Variants in SPACA7 observed in about 807,000 individuals in gnomAD.
The protein encoded by SPACA7 is sperm acrosome-associated protein 7.
Under a neutral mutation model 26.3 loss-of-function variants are expected in SPACA7, and 19 were observed. The observed-to-expected ratio is 0.72, with a 90% CI of 0.50 to 1.06. The LOEUF (loss-of-function observed/expected upper bound fraction) is 1.06. Among genes scored for constraint, SPACA7 ranks in the 50% least tolerant of loss-of-function variants. SPACA7 has a pLI of 0.00. For synonymous variants in SPACA7, 84 were observed against 84.5 expected (o/e 0.99, Z 0.04); for missense variants, 211 against 229.9 (o/e 0.92, Z 0.53).
At chr13:112,415,970 C>G (rs1268236299) in intron 5 of SPACA7, among the ~76,000 whole-genome samples, 1 of 151,648 alleles carries the variant, frequency 6.6e-6, no homozygotes, top group Non-Finnish European at 1.5e-5. Flanking sequence ...CAGCATTGAG[C>G]TCCAATGCAA....
Position 112,399,248 on chromosome 13 carries a change from C to T in SPACA7, c.349+75C>T, listed in dbSNP as rs934104123. On this transcript the variant is annotated intron_variant, in intron 4 of 6. Transcript: ENST00000283550. ...GAGGTAGGAGGCAGGCAGACGCAGGCGGAAACATCTCCTTCCTGGAGGATA... is the reference window on the plus strand; with the variant it reads ...GAGGTAGGAGGCAGGCAGACGCAGGTGGAAACATCTCCTTCCTGGAGGATA... 50 of 808,744 alleles carry T rather than the reference C, an allele frequency of 6.2e-5. No individual in the cohort carries two copies. In the Admixed American group the frequency reaches 7.5e-4, roughly 12 times the overall value. 50.1% of individuals were successfully genotyped at this position (808,744 alleles called of 1,614,324 possible).
At chr13:112,381,501 A>C (rs1425084447) in intron 1 of SPACA7, among the ~76,000 whole-genome samples, 1 of 152,010 alleles carries the variant, frequency 6.6e-6, no homozygotes, top group African/African-American at 2.4e-5. Context: ...CCCCAAAAAA[A>C]AAAAAAAAAA....
chr13:112,407,760 C>A (rs757973879), intron 5 of SPACA7, among the ~76,000 whole-genome samples: 27 of 152,168 alleles, frequency 1.8e-4, no homozygotes, highest in South Asian at 4.1e-4. Flanking sequence ...CAGGACCAGA[C>A]GGATTCACAG....
chr13:112,380,629 T>A (rs941468419), intron 1 of SPACA7, among the ~76,000 whole-genome samples: 2 of 152,160 alleles, frequency 1.3e-5, no homozygotes, highest in African/African-American at 4.8e-5. Flanking sequence ...TCCATACTAA[T>A]TTACGCATTT....
At chr13:112,418,485 G>A (rs1478569628) in intron 5 of SPACA7, among the ~76,000 whole-genome samples, 3 of 152,228 alleles carry the variant, frequency 2.0e-5, no homozygotes, top group Non-Finnish European at 4.4e-5. Context: ...ATATGTCTGT[G>A]TAAGCCTGTA....
chr13:112,400,471 G>A (rs1357790388), intron 4 of SPACA7, among the ~76,000 whole-genome samples: 5 of 152,210 alleles, frequency 3.3e-5, no homozygotes, highest in South Asian at 2.1e-4. Flanking sequence ...TTATGTATTC[G>A]GTTGCTTATT....
At chr13:112,434,462 C>A in intron 6 of SPACA7, 23 bp from the exon 7 acceptor site, 1 of 1,596,758 alleles carries the variant, frequency 6.3e-7, no homozygotes, top group Non-Finnish European at 8.5e-7. Context: ...CTGCCAGTCT[C>A]AAAATCTCCT....
At chr13:112,383,184 AG>A (rs1884307329) in intron 1 of SPACA7, among the ~76,000 whole-genome samples, 1 of 139,786 alleles carries the variant, frequency 7.2e-6, no homozygotes, top group African/African-American at 2.9e-5. Context: ...AAAGAAAGAA[AG>A]AAAGAAAGAA....
chr13:112,404,308 C>T (rs1885837112), intron 5 of SPACA7, among the ~76,000 whole-genome samples: 1 of 152,066 alleles, frequency 6.6e-6, no homozygotes, highest in Non-Finnish European at 1.5e-5. Flanking sequence ...ATTGTAGATT[C>T]TGGATATTAG....
chr13:112,421,987 A>T (rs1876033075), intron 5 of SPACA7, among the ~76,000 whole-genome samples: 1 of 152,174 alleles, frequency 6.6e-6, no homozygotes, highest in Non-Finnish European at 1.5e-5. Context: ...GAGGGAGAGG[A>T]TGAGGAAAAA....
At chr13:112,397,926 A>C in intron 2 of SPACA7, 123 bp from the exon 3 acceptor site, 2 of 565,344 alleles carry the variant, frequency 3.5e-6, no homozygotes, top group Non-Finnish European at 6.2e-6. Flanking sequence ...GGGTTCCCGG[A>C]GTTCCTGTTT....
chr13:112,434,052 G>A (rs180733209), intron 6 of SPACA7, among the ~76,000 whole-genome samples: 8 of 152,200 alleles, frequency 5.3e-5, no homozygotes, highest in Admixed American at 1.3e-4. Context: ...TGTGGCCGTC[G>A]GCAACAGAAG....
Position 112,385,729 on chromosome 13 carries a change from A to G in SPACA7, c.95-7292A>G, listed in dbSNP as rs140248642. On this transcript the variant is annotated intron_variant, in intron 1 of 6. Coordinates refer to ENST00000283550, the MANE Select transcript of SPACA7 (RefSeq NM_145248.5). ...AATTTTTAAAACTGCTTTTATTTCT[A>G]AAAGATTACTGGTCACGTGAACAAA... 6.9e-3 allele frequency among the ~76,000 whole-genome samples: 1,058 copies of G among 152,330 alleles called. 8 individuals carry two copies. The highest frequency in any genetic ancestry group is 0.017 in the Middle Eastern group (5 of 294).
chr13:112,388,955 G>A (rs751905011), intron 1 of SPACA7, among the ~76,000 whole-genome samples: 1 of 152,188 alleles, frequency 6.6e-6, no homozygotes, highest in African/African-American at 2.4e-5. Flanking sequence ...TCTGGGTGGT[G>A]CCAGCTGATC....
At chr13:112,410,924 A>G (rs963124294) in intron 5 of SPACA7, among the ~76,000 whole-genome samples, 2 of 152,162 alleles carry the variant, frequency 1.3e-5, no homozygotes, top group African/African-American at 4.8e-5. Context: ...TACATGGATA[A>G]GCAAAATGTT....
intron 2 of SPACA7, among the ~76,000 whole-genome samples, chr13:112,395,761 C>T (rs987386885): frequency 1.3e-5 from 2 of 152,260 alleles, no homozygotes; most frequent in East Asian, 1.9e-4. Context: ...TGAGCCACTG[C>T]GCCCAGCCTG....
intron 5 of SPACA7, among the ~76,000 whole-genome samples, chr13:112,416,326 A>C (rs1227208288): frequency 1.3e-5 from 2 of 151,524 alleles, no homozygotes; most frequent in Non-Finnish European, 1.5e-5. Context: ...TGTCACTGTC[A>C]CCTGGGCTGG....
chr13:112,431,837 G>A (rs1428909805), intron 5 of SPACA7, among the ~76,000 whole-genome samples: 1 of 152,186 alleles, frequency 6.6e-6, no homozygotes, highest in Non-Finnish European at 1.5e-5. Flanking sequence ...GCTGGTGGCT[G>A]TTCCAAAGGG....
At chr13:112,397,974 T>C in intron 2 of SPACA7, 75 bp from the exon 3 acceptor site, 1 of 871,154 alleles carries the variant, frequency 1.1e-6, no homozygotes, top group Non-Finnish European at 1.9e-6. Context: ...TGTGTACAGA[T>C]GGCCTTAGGG....
Sources: gnomAD v4.1 joint callset for allele counts (sites outside exome capture counted in the v4.1 genomes callset) on GRCh38, gnomAD v4.1.1 for gene constraint, MANE v1.5 for transcripts, NCBI Gene and HGNC (gene_info 2026-07-23, HGNC 2026-07-21) for gene names.